Variants in LRRC7 observed in about 807,000 individuals in gnomAD.
The protein encoded by LRRC7 is leucine rich repeat containing 7, also known as leucine-rich repeat-containing protein 7.
In LRRC7, 23 loss-of-function variants were observed where a neutral mutation model predicts 175.7. That is an observed-to-expected ratio of 0.13 (90% CI 0.09 to 0.19). The LOEUF (loss-of-function observed/expected upper bound fraction) is 0.19. Ranked by LOEUF, LRRC7 falls within the 10% of genes least tolerant of loss-of-function variation. LRRC7 has a pLI of 1.00. For missense variants in LRRC7, 1,354 were observed against 1,904.7 expected, an observed-to-expected ratio of 0.71 and a Z score of 5.38; for synonymous variants, 685 against 680.9, an observed-to-expected ratio of 1.01 and a Z score of -0.09.
intron 2 of LRRC7, among the ~76,000 whole-genome samples, chr1:69,727,725 A>G (rs1443791635): frequency 6.6e-6 from 1 of 152,220 alleles, no homozygotes; most frequent in Non-Finnish European, 1.5e-5. Flanking sequence ...CTCAGAGTGT[A>G]TTGAAGAGTC....
chr1:69,598,702 C>T (rs1646937132), intron 1 of LRRC7, among the ~76,000 whole-genome samples: 1 of 152,154 alleles, frequency 6.6e-6, no homozygotes, highest in African/African-American at 2.4e-5. Flanking sequence ...ATGATCTAGC[C>T]AGTTGACCCA....
chr1:70,077,969 G>C (rs1571258612), intron 24 of LRRC7, among the ~76,000 whole-genome samples: 1 of 152,170 alleles, frequency 6.6e-6, no homozygotes, highest in East Asian at 1.9e-4. Flanking sequence ...GTTAAGGAAG[G>C]GACTTAAATA....
intron 7 of LRRC7, among the ~76,000 whole-genome samples, chr1:69,846,659 A>G (rs752461188): frequency 2.6e-4 from 40 of 152,220 alleles, no homozygotes; most frequent in African/African-American, 8.7e-4. Context: ...TTGAATCTCA[A>G]TGTCCTTATT....
At chr1:69,856,624 G>A (rs1414695056) in intron 7 of LRRC7, among the ~76,000 whole-genome samples, 2 of 152,182 alleles carry the variant, frequency 1.3e-5, no homozygotes, top group South Asian at 2.1e-4. Context: ...ATAATTAATA[G>A]CCTACTAACC....
At position 70,131,193 on chromosome 1, in the gene LRRC7, A is replaced by G. The variant is rs1169530803; in HGVS notation, c.*9306A>G. On this transcript the variant is annotated 3_prime_UTR_variant, in exon 27 of 27. Transcript: ENST00000651989. ...TATAGAGATAGAATCTGGCCTGTTG[A>G]TCTCAAAGTAGAAAGAAAGCATGCT... 2.0e-5 allele frequency among the ~76,000 whole-genome samples: 3 copies of G among 152,202 alleles called. No homozygotes were observed. Among genetic ancestry groups the G allele is most frequent in the Admixed American group, 6.5e-5 (1 of 15,286 alleles).
intron 26 of LRRC7, among the ~76,000 whole-genome samples, chr1:70,108,933 C>T (rs1356488436): frequency 6.6e-6 from 1 of 152,210 alleles, no homozygotes; most frequent in African/African-American, 2.4e-5. Context: ...ATTGCTTTAA[C>T]ATTTCATTCT....
At chr1:69,649,810 G>A (rs960616850) in intron 1 of LRRC7, among the ~76,000 whole-genome samples, 3 of 151,918 alleles carry the variant, frequency 2.0e-5, no homozygotes, top group Admixed American at 1.3e-4. Flanking sequence ...ATTACAAAAC[G>A]GCTTAAGGGT....
At chr1:69,672,733 T>G (rs994712078) in intron 1 of LRRC7, among the ~76,000 whole-genome samples, 16 of 152,188 alleles carry the variant, frequency 1.1e-4, no homozygotes, top group Non-Finnish European at 2.1e-4. Flanking sequence ...TTCACATCCT[T>G]CATTCACTAG....
chr1:69,685,251 A>G (rs1660995177), intron 2 of LRRC7, among the ~76,000 whole-genome samples: 1 of 152,180 alleles, frequency 6.6e-6, no homozygotes, highest in African/African-American at 2.4e-5. Flanking sequence ...CAGGATACAT[A>G]CCTGCTAAAA....
chr1:69,901,011 T>C (rs1276888121), intron 7 of LRRC7, among the ~76,000 whole-genome samples: 2 of 152,226 alleles, frequency 1.3e-5, no homozygotes, highest in Admixed American at 6.5e-5. Context: ...TGTCAAATTA[T>C]GAAGTTCCTT....
At chr1:69,735,205 C>A (rs1275711196) in intron 2 of LRRC7, among the ~76,000 whole-genome samples, 2 of 151,902 alleles carry the variant, frequency 1.3e-5, no homozygotes, top group Admixed American at 6.6e-5. Flanking sequence ...ATAATAATAT[C>A]TAATATATAA....
chr1:69,587,070 G>T (rs915859450), intron 1 of LRRC7, among the ~76,000 whole-genome samples: 8 of 151,940 alleles, frequency 5.3e-5, no homozygotes, highest in African/African-American at 1.7e-4. Context: ...TTGTGCCCTT[G>T]GAATATTTGT....
chr1:69,934,513 G>A (rs1418286518), intron 8 of LRRC7, among the ~76,000 whole-genome samples: 2 of 95,922 alleles, frequency 2.1e-5, no homozygotes, highest in African/African-American at 7.7e-5. Flanking sequence ...GGCGGGGGGT[G>A]GGGGGTTTTG....
At chr1:69,829,741 T>C (rs551525807) in intron 5 of LRRC7, among the ~76,000 whole-genome samples, 1 of 151,952 alleles carries the variant, frequency 6.6e-6, no homozygotes, top group African/African-American at 2.4e-5. Flanking sequence ...CATTTCATTA[T>C]TGAGAGTTCC....
At chr1:69,927,598 A>G (rs1647125297) in intron 7 of LRRC7, among the ~76,000 whole-genome samples, 1 of 152,132 alleles carries the variant, frequency 6.6e-6, no homozygotes, top group Non-Finnish European at 1.5e-5. Context: ...AGTTGATTGC[A>G]TCGGCTCTTG....
chr1:69,862,803 G>A (rs1010447126), intron 7 of LRRC7, among the ~76,000 whole-genome samples: 2 of 151,870 alleles, frequency 1.3e-5, no homozygotes, highest in East Asian at 3.9e-4. Flanking sequence ...CCATCAACCC[G>A]TCACCTACTA....
At chr1:70,084,371 A>G (rs112443900) in intron 24 of LRRC7, among the ~76,000 whole-genome samples, 7 of 152,230 alleles carry the variant, frequency 4.6e-5, no homozygotes, top group African/African-American at 1.7e-4. Flanking sequence ...GTCTCTATAT[A>G]TTTGCCTATT....
chr1:69,756,596 AT>A (rs1670458275), intron 2 of LRRC7, among the ~76,000 whole-genome samples: 1 of 151,866 alleles, frequency 6.6e-6, no homozygotes, highest in Admixed American at 6.6e-5. Context: ...AATATGATAA[AT>A]AAAAACTTTT....
chr1:69,985,638 C>A (rs1653870377), intron 9 of LRRC7, among the ~76,000 whole-genome samples: 1 of 152,174 alleles, frequency 6.6e-6, no homozygotes, highest in African/African-American at 2.4e-5. Context: ...AACTCCCACA[C>A]TCCCCATCCA....
Sources: gnomAD v4.1 joint callset for allele counts (sites outside exome capture counted in the v4.1 genomes callset) on GRCh38, gnomAD v4.1.1 for gene constraint, MANE v1.5 for transcripts, NCBI Gene and HGNC (gene_info 2026-07-23, HGNC 2026-07-21) for gene names.